Variants in LMBRD1 observed in about 807,000 individuals in gnomAD.
The protein encoded by LMBRD1 is lysosomal cobalamin transport escort protein LMBD1.
Under a neutral mutation model 74.8 loss-of-function variants are expected in LMBRD1, and 64 were observed. The ratio of observed to expected loss-of-function variants is 0.86; its 90% CI spans 0.70 to 1.05. LMBRD1 has a LOEUF of 1.05. Among genes scored for constraint, LMBRD1 ranks in the 50% least tolerant of loss-of-function variants. The pLI, the probability that LMBRD1 is intolerant of heterozygous loss-of-function variation, is 0.00. For synonymous variants in LMBRD1, 204 were observed against 216.3 expected, an observed-to-expected ratio of 0.94 and a Z score of 0.50; for missense variants, 652 against 645.9, an observed-to-expected ratio of 1.01 and a Z score of -0.10.
chr6:69,741,759 A>G (rs1473179194), intron 6 of LMBRD1, 30 bp downstream of exon 6: 1 of 1,257,438 alleles, frequency 8.0e-7, no homozygotes, highest in Non-Finnish European at 1.2e-6. Context: ...AATATAAACT[A>G]CTATGTTTTT....
intron 3 of LMBRD1, among the ~76,000 whole-genome samples, chr6:69,774,907 T>C (rs907266784): frequency 1.4e-5 from 2 of 146,334 alleles, no homozygotes; most frequent in African/African-American, 2.5e-5. Flanking sequence ...TACAATGAGC[T>C]ATGATCACGC....
At chr6:69,749,821 G>C (rs1248476953) in intron 4 of LMBRD1, among the ~76,000 whole-genome samples, 1 of 148,088 alleles carries the variant, frequency 6.8e-6, no homozygotes. Context: ...ATATACATGA[G>C]TATATATTAA....
At chr6:69,742,818 C>T (rs888107218) in intron 5 of LMBRD1, among the ~76,000 whole-genome samples, 1 of 151,878 alleles carries the variant, frequency 6.6e-6, no homozygotes, top group African/African-American at 2.4e-5. Context: ...TTAAAAAAAT[C>T]CCTATTTCCT....
chr6:69,713,628 T>A lies in LMBRD1; in HGVS notation c.915+17A>T. 1 of 1,612,896 alleles carries A rather than the reference T, an allele frequency of 6.2e-7. No homozygotes were observed. Among genetic ancestry groups the A allele is most frequent in the Non-Finnish European group, 8.5e-7 (1 of 1,179,240 alleles). On this transcript the variant is annotated intron_variant, in intron 9 of 15. Coordinates refer to ENST00000649934, the MANE Select transcript of LMBRD1 (RefSeq NM_018368.4). ...TTGGGGAAGAGTGACAGCATAATTT[T>A]TAAAAACTTCATTTACCTTCAGGGG...
intron 5 of LMBRD1, among the ~76,000 whole-genome samples, chr6:69,747,330 A>G (rs1335010142): frequency 1.3e-5 from 2 of 152,214 alleles, no homozygotes; most frequent in African/African-American, 4.8e-5. Flanking sequence ...TCTATAAGCC[A>G]GGAAGAGAAC....
chr6:69,764,554 G>C (rs370803164), intron 3 of LMBRD1, among the ~76,000 whole-genome samples: 1 of 152,114 alleles, frequency 6.6e-6, no homozygotes, highest in Non-Finnish European at 1.5e-5. Flanking sequence ...CATTGAAAAC[G>C]TAATTTACAT....
intron 7 of LMBRD1, 57 bp downstream of exon 7, chr6:69,737,885 A>C (rs990290262): frequency 1.9e-6 from 2 of 1,045,598 alleles, no homozygotes; most frequent in Non-Finnish European, 2.9e-6. Flanking sequence ...TAAATTACTA[A>C]GGTAAAAAAA....
At chr6:69,709,121 C>T (rs1339959516) in intron 9 of LMBRD1, among the ~76,000 whole-genome samples, 1 of 151,994 alleles carries the variant, frequency 6.6e-6, no homozygotes, top group Admixed American at 6.6e-5. Flanking sequence ...GTAATCCCAG[C>T]TACTTAGGAG....
At chr6:69,770,837 A>G in intron 3 of LMBRD1, among the ~76,000 whole-genome samples, 1 of 152,288 alleles carries the variant, frequency 6.6e-6, no homozygotes, top group East Asian at 1.9e-4. Flanking sequence ...AAAAAAATAG[A>G]CTAGGATAAA....
chr6:69,723,581 T>C (rs545864913), intron 7 of LMBRD1, among the ~76,000 whole-genome samples: 1 of 151,952 alleles, frequency 6.6e-6, no homozygotes, highest in South Asian at 2.1e-4. Context: ...AGTGGGTCAA[T>C]GAAGAAATTA....
chr6:69,728,249 A>C (rs1766778442), intron 7 of LMBRD1, among the ~76,000 whole-genome samples: 1 of 152,310 alleles, frequency 6.6e-6, no homozygotes, highest in African/African-American at 2.4e-5. Flanking sequence ...CAGTACTACG[A>C]GGATGGTGCT....
rs1213285713 is a variant in LMBRD1, at chr6:69,674,950, G to A, written c.*1208C>T. ...ATCGTGCCATTGCACTCCAGCCTGGGCGACAAGAGTGAAACTCCATCTTAA... is the reference window on the plus strand; with the variant it reads ...ATCGTGCCATTGCACTCCAGCCTGGACGACAAGAGTGAAACTCCATCTTAA... On this transcript the variant is annotated 3_prime_UTR_variant, in exon 16 of 16. Coordinates refer to ENST00000649934, the MANE Select transcript of LMBRD1 (RefSeq NM_018368.4). Among the ~76,000 whole-genome samples, 1 of 152,076 alleles carries A rather than the reference G, an allele frequency of 6.6e-6. No homozygotes were observed. The highest frequency in any genetic ancestry group is 1.5e-5 in the Non-Finnish European group (1 of 68,026).
At chr6:69,733,196 T>C (rs1309428942) in intron 7 of LMBRD1, among the ~76,000 whole-genome samples, 1 of 152,150 alleles carries the variant, frequency 6.6e-6, no homozygotes, top group East Asian at 1.9e-4. Context: ...ATTTTTACAT[T>C]TCATATTATA....
intron 2 of LMBRD1, among the ~76,000 whole-genome samples, chr6:69,784,260 T>C (rs1765897215): frequency 6.6e-6 from 1 of 152,126 alleles, no homozygotes; most frequent in African/African-American, 2.4e-5. Flanking sequence ...ATAAAGAATA[T>C]TAAAGAAGAA....
chr6:69,796,985 A>G lies in LMBRD1; in HGVS notation c.-104T>C. The G allele has an allele frequency of 1.0e-6, 1 of 993,856 alleles. No homozygotes were observed. The allele number at this position is 993,856 out of a possible 1,614,324, so 61.6% of individuals were successfully genotyped here. A position where few individuals can be genotyped will look rare whatever the true frequency, so the allele number is the denominator to read the frequency against. On this transcript the variant is annotated 5_prime_UTR_variant, in exon 1 of 16. Coordinates refer to ENST00000649934, the MANE Select transcript of LMBRD1 (RefSeq NM_018368.4). ...ACTGCACCCGCGCACCCTAAAGGTT[A>G]AAGGGGCGGAGGGGGAGGAGCAAGT...
At chr6:69,736,801 T>C (rs532150086) in intron 7 of LMBRD1, among the ~76,000 whole-genome samples, 1 of 152,300 alleles carries the variant, frequency 6.6e-6, no homozygotes, top group Non-Finnish European at 1.5e-5. Flanking sequence ...CACAGAATAA[T>C]AGCAGTTAAA....
At chr6:69,745,996 C>T (rs761398829) in intron 5 of LMBRD1, 16 of 222,946 alleles carry the variant, frequency 7.2e-5, no homozygotes, top group Non-Finnish European at 1.2e-4. Flanking sequence ...CTTCACTACA[C>T]GGCCTAAATG....
intron 8 of LMBRD1, among the ~76,000 whole-genome samples, chr6:69,714,283 C>T (rs911862852): frequency 7.2e-5 from 11 of 151,922 alleles, no homozygotes; most frequent in African/African-American, 2.7e-4. Flanking sequence ...GCACAGATGG[C>T]ATACAGAGGT....
chr6:69,762,949 A>G (rs1018094953), intron 3 of LMBRD1, among the ~76,000 whole-genome samples: 10 of 152,216 alleles, frequency 6.6e-5, no homozygotes, highest in African/African-American at 2.2e-4. Context: ...GTATTTTGTT[A>G]GAGAAGCCCA....
Sources: allele counts gnomAD v4.1 joint callset (sites outside exome capture counted in the v4.1 genomes callset), GRCh38; gene constraint gnomAD v4.1.1; transcripts MANE v1.5; gene names NCBI Gene and HGNC (gene_info 2026-07-23, HGNC 2026-07-21).